Variants in AGR3 observed in about 807,000 individuals in gnomAD.
AGR3 encodes anterior gradient protein 3.
A neutral mutation model predicts 24.5 loss-of-function variants in AGR3; 37 were observed. The ratio of observed to expected loss-of-function variants is 1.51; its 90% CI spans 1.16 to 1.99. The LOEUF is 1.99. Ranked by LOEUF, AGR3 falls within the 30% of genes most tolerant of loss-of-function variation. The probability of loss-of-function intolerance (pLI) is 0.00; values close to 1 mark genes in which losing one functional copy is unlikely to be tolerated. For synonymous variants in AGR3, 75 were observed against 61.6 expected (o/e 1.22, Z -1.02); for missense variants, 228 against 191.1 (o/e 1.19, Z -1.14).
At chr7:16,868,382 C>T (rs1179219828) in intron 3 of AGR3, among the ~76,000 whole-genome samples, 1 of 152,122 alleles carries the variant, frequency 6.6e-6, no homozygotes, top group African/African-American at 2.4e-5. Context: ...CTCGAACTCC[C>T]GACCTCAAGT....
chr7:16,859,675 G>C, intron 7 of AGR3, 44 bp from the exon 8 acceptor site: 1 of 1,265,938 alleles, frequency 7.9e-7, no homozygotes, highest in Non-Finnish European at 1.1e-6. Flanking sequence ...ATAAATGAAA[G>C]TACAAATGCT....
chr7:16,866,695 T>C (rs536660362), intron 3 of AGR3, among the ~76,000 whole-genome samples: 1 of 152,284 alleles, frequency 6.6e-6, no homozygotes, highest in East Asian at 1.9e-4. Context: ...TTATAAAAAA[T>C]AGTCAATCTT....
At chr7:16,864,625 A>G (rs920070011) in intron 3 of AGR3, 27 of 1,553,016 alleles carry the variant, frequency 1.7e-5, no homozygotes, top group Non-Finnish European at 2.3e-5. Flanking sequence ...AAGGTATGGC[A>G]GTAGCTGAGT....
intron 3 of AGR3, among the ~76,000 whole-genome samples, chr7:16,863,042 C>G (rs1373116481): frequency 6.6e-6 from 1 of 152,158 alleles, no homozygotes; most frequent in Non-Finnish European, 1.5e-5. Flanking sequence ...TGCACTCCAG[C>G]CTGGGTGACA....
Position 16,878,645 on chromosome 7 carries a change from G to A in AGR3, c.-27C>T, listed in dbSNP as rs910296076. 2 of 1,572,282 alleles carry A rather than the reference G, an allele frequency of 1.3e-6. No homozygotes were observed. Among genetic ancestry groups the A allele is most frequent in the South Asian group, 2.2e-5 (2 of 89,752 alleles). On this transcript the variant is annotated splice_region_variant and 5_prime_UTR_variant, in exon 2 of 8. Transcript: ENST00000310398. The stretch of plus-strand genomic sequence containing the variant: ...TCTTCTAGAGACTCTCTCAGAAGAA[G>A]CTAGATGACAGAAAGGAATTCTCAG...
At chr7:16,876,914 G>A (rs748168169) in intron 2 of AGR3, among the ~76,000 whole-genome samples, 3 of 152,100 alleles carry the variant, frequency 2.0e-5, no homozygotes, top group Non-Finnish European at 4.4e-5. Flanking sequence ...ATCTTTAAGG[G>A]CAATAACTAG....
At chr7:16,855,530 ACACT>A (rs1427036992), downstream of AGR3, among the ~76,000 whole-genome samples, 5 of 152,088 alleles carry the variant, frequency 3.3e-5, no homozygotes, top group African/African-American at 7.2e-5. Context: ...CGCCCTCCTA[ACACT>A]CACACAACTT....
chr7:16,859,797 G>T (rs946051440), intron 7 of AGR3, among the ~76,000 whole-genome samples, 166 bp from the exon 8 acceptor site: 1 of 152,246 alleles, frequency 6.6e-6, no homozygotes, highest in Admixed American at 6.5e-5. Flanking sequence ...TGTAAATTTA[G>T]GGATTAGACC....
chr7:16,877,187 G>T (rs963260820), intron 2 of AGR3, among the ~76,000 whole-genome samples: 5 of 149,310 alleles, frequency 3.3e-5, no homozygotes, highest in Admixed American at 6.7e-5. Flanking sequence ...GCAAGTCAGT[G>T]TTTTAGAATT....
intron 5 of AGR3, 106 bp from the exon 6 acceptor site, chr7:16,861,553 A>G (rs1781644182): frequency 1.1e-6 from 1 of 927,500 alleles, no homozygotes; most frequent in Admixed American, 2.2e-5. Flanking sequence ...GCCTTTTATA[A>G]TTCCATACAA....
At chr7:16,872,359 G>A (rs1583843574) in intron 3 of AGR3, among the ~76,000 whole-genome samples, 1 of 152,110 alleles carries the variant, frequency 6.6e-6, no homozygotes, top group East Asian at 1.9e-4. Context: ...ATTGGGGAAA[G>A]GACACCCTCT....
intron 1 of AGR3, among the ~76,000 whole-genome samples, chr7:16,879,833 A>G (rs2115319686): frequency 6.6e-6 from 1 of 152,338 alleles, no homozygotes; most frequent in East Asian, 1.9e-4. Flanking sequence ...AGTTATTGTA[A>G]AGTAGCAACC....
intron 1 of AGR3, among the ~76,000 whole-genome samples, chr7:16,880,544 C>T (rs1426673726): frequency 6.8e-4 from 69 of 101,654 alleles, no homozygotes; most frequent in African/African-American, 2.5e-3. Flanking sequence ...CCCCTCCCCT[C>T]CTCTCCCCTC....
chr7:16,878,700 A>G lies in AGR3; in HGVS notation c.-27-55T>C, dbSNP rs575191705. ...CAGTGAATTACTTCAAGCTATTATT[A>G]GAAGATATTTGCTAAGAGTTGGACC... On this transcript the variant is annotated intron_variant, in intron 1 of 7. Coordinates refer to ENST00000310398, the MANE Select transcript of AGR3 (RefSeq NM_176813.5). The G allele has an allele frequency of 3.2e-5, 43 of 1,342,498 alleles. 3 individuals carry two copies. In the South Asian group the frequency reaches 4.8e-4, roughly 15 times the overall value. 83.2% of individuals were successfully genotyped at this position (1,342,498 alleles called of 1,614,324 possible).
chr7:16,856,814 T>TAC (rs909600537), downstream of AGR3, among the ~76,000 whole-genome samples: 22 of 148,172 alleles, frequency 1.5e-4, no homozygotes, highest in Admixed American at 3.4e-4. Context: ...CACACACACA[T>TAC]ACACACACAC....
intron 3 of AGR3, among the ~76,000 whole-genome samples, chr7:16,866,485 T>C (rs73082123): frequency 2.6e-5 from 4 of 152,252 alleles, no homozygotes; most frequent in Admixed American, 6.5e-5. Flanking sequence ...GTGAATACAT[T>C]TCCAGAAGTA....
intron 3 of AGR3, chr7:16,864,323 C>A (rs1018338609): frequency 7.3e-7 from 1 of 1,360,702 alleles, no homozygotes; most frequent in South Asian, 1.2e-5. Context: ...TCTCCTTGGG[C>A]TGAAAAGAGC....
chr7:16,861,971 A>T lies in AGR3; in HGVS notation c.303+13T>A, dbSNP rs1415653756. 6.3e-7 allele frequency: 1 copy of T among 1,587,104 alleles called. No homozygotes were observed. The highest frequency in any genetic ancestry group is 8.6e-7 in the Non-Finnish European group (1 of 1,165,694). ...AATTATAGTATTAAGAAAACATCACAAAGTTTATGTACCATAAGGTTTAGC... is the reference window on the plus strand; with the variant it reads ...AATTATAGTATTAAGAAAACATCACTAAGTTTATGTACCATAAGGTTTAGC... On this transcript the variant is annotated intron_variant, in intron 5 of 7. Coordinates refer to ENST00000310398, the MANE Select transcript of AGR3 (RefSeq NM_176813.5).
intron 2 of AGR3, among the ~76,000 whole-genome samples, chr7:16,877,681 G>A (rs1396519789): frequency 6.6e-6 from 1 of 151,882 alleles, no homozygotes; most frequent in African/African-American, 2.4e-5. Context: ...GGCTAACACG[G>A]TGAAACCCCG....
Sources: allele counts gnomAD v4.1 joint callset (sites outside exome capture counted in the v4.1 genomes callset), GRCh38; gene constraint gnomAD v4.1.1; transcripts MANE v1.5; gene names NCBI Gene and HGNC (gene_info 2026-07-23, HGNC 2026-07-21).